The following SLC22A16 variants were observed in gnomAD, a reference collection of about 807,000 sequenced individuals.
The protein encoded by SLC22A16 is solute carrier family 22 member 16, also known as WUGSC:RG331P03.1.
SLC22A16 carries 53 observed loss-of-function variants against 52.9 expected under a neutral mutation model. That is an observed-to-expected ratio of 1.00 (90% CI 0.80 to 1.26). SLC22A16 has a LOEUF of 1.26. SLC22A16 is among the 50% of genes most tolerant of loss of function. SLC22A16 has a pLI of 0.00. For missense variants in SLC22A16, 726 were observed against 704.0 expected (o/e 1.03, Z -0.35); for synonymous variants, 291 against 268.8 (o/e 1.08, Z -0.81).
At chr6:110,471,660 T>C (rs909278678) in intron 1 of SLC22A16, among the ~76,000 whole-genome samples, 8 of 152,156 alleles carry the variant, frequency 5.3e-5, no homozygotes, top group African/African-American at 1.9e-4. Context: ...ACATTTAGTA[T>C]CGTTGATGTA....
intron 1 of SLC22A16, among the ~76,000 whole-genome samples, chr6:110,475,773 G>C (rs1185327227): frequency 6.6e-6 from 1 of 152,156 alleles, no homozygotes; most frequent in African/African-American, 2.4e-5. Flanking sequence ...AGATAGAGGA[G>C]CTCTGTCCAT....
At chr6:110,436,062 A>AT (rs1774717621) in intron 5 of SLC22A16, 101 bp from the exon 6 acceptor site, 1 of 759,492 alleles carries the variant, frequency 1.3e-6, no homozygotes, top group Non-Finnish European at 2.2e-6. Context: ...TTCCTTCAGT[A>AT]TTTTTTCAGA....
At chr6:110,426,476 C>T (rs1218937197) in intron 7 of SLC22A16, among the ~76,000 whole-genome samples, 1 of 151,954 alleles carries the variant, frequency 6.6e-6, no homozygotes, top group Non-Finnish European at 1.5e-5. Context: ...TGAAATAAGT[C>T]CCCCCTTTCC....
At chr6:110,435,786 A>G in intron 6 of SLC22A16, 66 bp downstream of exon 6, 1 of 1,238,826 alleles carries the variant, frequency 8.1e-7, no homozygotes, top group Non-Finnish European at 1.1e-6. Flanking sequence ...GTAAAGGCCA[A>G]ATACAATGAA....
At chr6:110,439,872 C>T (rs1774895405) in intron 4 of SLC22A16, 1 of 152,112 alleles carries the variant, frequency 6.6e-6, no homozygotes, top group Non-Finnish European at 1.5e-5. Flanking sequence ...ATTATAGTTG[C>T]ATGTATTTAA....
intron 1 of SLC22A16, among the ~76,000 whole-genome samples, chr6:110,462,500 T>A (rs1253602514): frequency 6.6e-6 from 1 of 152,154 alleles, no homozygotes. Flanking sequence ...TTAACTATAG[T>A]GAAAGACTAG....
intron 2 of SLC22A16, among the ~76,000 whole-genome samples, chr6:110,454,628 ATTTATATATATTATATAT>A (rs1562292337): frequency 4.0e-5 from 2 of 50,034 alleles, no homozygotes; most frequent in South Asian, 4.7e-4. Flanking sequence ...TATAATATAT[ATTTATATATATTATATAT>A]TTTATATATA....
chr6:110,433,003 T>A (rs570338927), intron 6 of SLC22A16, among the ~76,000 whole-genome samples: 2 of 152,218 alleles, frequency 1.3e-5, no homozygotes, highest in African/African-American at 4.8e-5. Context: ...ACTAGCCAGA[T>A]GCCTTTGGCC....
At chr6:110,459,422 C>A (rs2114998803) in intron 1 of SLC22A16, among the ~76,000 whole-genome samples, 1 of 152,220 alleles carries the variant, frequency 6.6e-6, no homozygotes, top group South Asian at 2.1e-4. Flanking sequence ...TTCCAAAAAC[C>A]ATAACCTTAG....
In SLC22A16 at chr6:110,435,991, A is replaced by G. The variant is rs373745338; in HGVS notation, c.1312-30T>C. The G allele has an allele frequency of 1.3e-3, 1,735 of 1,355,692 alleles. 41 individuals carry two copies. The South Asian group carries it at 0.017, about 14-fold the overall frequency. The allele number at this position is 1,355,692 out of a possible 1,614,324, so 84.0% of individuals were successfully genotyped here. A position where few individuals can be genotyped will look rare whatever the true frequency, so the allele number is the denominator to read the frequency against. ...AAAAAATTTAGCAGAATAGATCATC[A>G]CAAGTGGTATTTTTAAAGGAAAATA... is the stretch of plus-strand genomic sequence containing the variant. On this transcript the variant is annotated intron_variant, in intron 5 of 7. Transcript: ENST00000368919.
chr6:110,460,556 C>T (rs371280954), intron 1 of SLC22A16, among the ~76,000 whole-genome samples: 28 of 152,206 alleles, frequency 1.8e-4, no homozygotes, highest in South Asian at 6.2e-4. Flanking sequence ...CCTCTGCCTT[C>T]GTGACCCTGG....
At chr6:110,433,979 A>T (rs996763376) in intron 6 of SLC22A16, among the ~76,000 whole-genome samples, 5 of 152,178 alleles carry the variant, frequency 3.3e-5, no homozygotes, top group African/African-American at 4.8e-5. Context: ...AGTGGCTCAC[A>T]CCTGTAATCC....
chr6:110,458,903 C>T (rs1054289772), intron 1 of SLC22A16, among the ~76,000 whole-genome samples: 1 of 152,106 alleles, frequency 6.6e-6, no homozygotes, highest in Non-Finnish European at 1.5e-5. Flanking sequence ...ACTAGCTTTC[C>T]TAGTTCTCCA....
At chr6:110,447,326 C>T (rs1158946375) in intron 2 of SLC22A16, among the ~76,000 whole-genome samples, 2 of 152,150 alleles carry the variant, frequency 1.3e-5, no homozygotes, top group East Asian at 3.9e-4. Context: ...ATCATCTTCC[C>T]TGCCAGGCTG....
chr6:110,454,781 T>A (rs1471653413), intron 2 of SLC22A16, among the ~76,000 whole-genome samples: 1 of 60,680 alleles, frequency 1.6e-5, no homozygotes, highest in Non-Finnish European at 2.7e-5. Context: ...TAAATATATA[T>A]AAATATATAA....
chr6:110,450,191 G>T (rs201572966), intron 2 of SLC22A16, among the ~76,000 whole-genome samples: 1 of 113,906 alleles, frequency 8.8e-6, no homozygotes, highest in Non-Finnish European at 1.8e-5. Flanking sequence ...AAAAAAAGGA[G>T]GGGGGGGCAC....
At chr6:110,468,626 A>G (rs1426915032) in intron 1 of SLC22A16, among the ~76,000 whole-genome samples, 1 of 149,194 alleles carries the variant, frequency 6.7e-6, no homozygotes, top group African/African-American at 2.5e-5. Context: ...AGCCTGGGTA[A>G]GCGAGCGAGG....
At chr6:110,463,011 A>G (rs953477845) in intron 1 of SLC22A16, among the ~76,000 whole-genome samples, 1 of 151,752 alleles carries the variant, frequency 6.6e-6, no homozygotes, top group Non-Finnish European at 1.5e-5. Flanking sequence ...CAAGAATTTT[A>G]TATCCTGCCA....
intron 1 of SLC22A16, among the ~76,000 whole-genome samples, chr6:110,472,831 C>A (rs934882088): frequency 1.3e-5 from 2 of 152,116 alleles, no homozygotes; most frequent in African/African-American, 4.8e-5. Context: ...AACCCAGAGG[C>A]GAGGAAAAGC....
Sources: allele counts gnomAD v4.1 joint callset (sites outside exome capture counted in the v4.1 genomes callset), GRCh38; gene constraint gnomAD v4.1.1; transcripts MANE v1.5; gene names NCBI Gene and HGNC (gene_info 2026-07-23, HGNC 2026-07-21).